ZNF300: variants seen among roughly 807,000 people sequenced by gnomAD.
ZNF300 encodes zinc finger protein 300.
A neutral mutation model predicts 13.9 loss-of-function variants in ZNF300; 6 were observed. The ratio of observed to expected loss-of-function variants is 0.43; its 90% CI spans 0.24 to 0.85. The LOEUF (loss-of-function observed/expected upper bound fraction) is 0.85, where lower values mean the gene tolerates loss of function less well. Ranked by LOEUF, ZNF300 falls within the 40% of genes least tolerant of loss-of-function variation. The pLI is 0.25. For synonymous variants in ZNF300, 237 were observed against 242.2 expected (o/e 0.98, Z 0.20); for missense variants, 662 against 714.2 (o/e 0.93, Z 0.83).
At chr5:150,904,469 CAG>C (rs1361776953) in intron 1 of ZNF300, among the ~76,000 whole-genome samples, 3 of 152,062 alleles carry the variant, frequency 2.0e-5, no homozygotes, top group South Asian at 2.1e-4. Flanking sequence ...ACTGATTCCT[CAG>C]AGTCCCCTAA....
chr5:150,898,948 G>A (rs1442534017), intron 3 of ZNF300, among the ~76,000 whole-genome samples: 4 of 152,004 alleles, frequency 2.6e-5, no homozygotes, highest in African/African-American at 9.7e-5. Flanking sequence ...ATATGACTTG[G>A]AAACAGGGTC....
In ZNF300 at chr5:150,897,145, C is replaced by A. The variant is rs1326992658; in HGVS notation, c.266-172G>T. 8 of 472,232 alleles carry A rather than the reference C, an allele frequency of 1.7e-5. No homozygotes were observed. The East Asian group carries it at 2.2e-4, about 13-fold the overall frequency. The allele number at this position is 472,232 out of a possible 1,614,324, so 29.3% of individuals were successfully genotyped here. On this transcript the variant is annotated intron_variant, in intron 5 of 5. Coordinates refer to ENST00000274599, the MANE Select transcript of ZNF300 (RefSeq NM_052860.4). ...TAGTGTTATCAGGTGAATAGACAGA[C>A]AAGAATGTTAAACAGAAATATTCAT...
chr5:150,896,095 C>T lies in ZNF300; in HGVS notation c.1144G>A (p.Glu382Lys). Residue 382 changes from glutamate to lysine, a missense_variant, in exon 6 of 6, where the codon GAA (glutamate) becomes AAA (lysine). Coordinates refer to ENST00000274599, the MANE Select transcript of ZNF300 (RefSeq NM_052860.4). ...QRIHTGEKPY[E>K]CRECGKAFSQ... ...AAGGCCTTCCCACACTCTCTACATT[C>T]ATAGGGTTTTTCCCCAGTATGTATT... is the stretch of plus-strand genomic sequence containing the variant. The T allele has an allele frequency of 6.2e-7, 1 of 1,613,326 alleles. No homozygotes were observed. Among genetic ancestry groups the T allele is most frequent in the Non-Finnish European group, 8.5e-7 (1 of 1,179,718 alleles).
intron 5 of ZNF300, chr5:150,897,313 A>C (rs1754830091): frequency 5.1e-6 from 1 of 195,292 alleles, no homozygotes; most frequent in Non-Finnish European, 1.0e-5. Flanking sequence ...ATCATGTGCT[A>C]CACATTCTTA....
chr5:150,895,669 T>A lies in ZNF300; in HGVS notation c.1570A>T (p.Thr524Ser). The A allele has an allele frequency of 6.2e-7, 1 of 1,613,368 alleles. No individual in the cohort carries two copies. The highest frequency in any genetic ancestry group is 8.5e-7 in the Non-Finnish European group (1 of 1,179,692). ...TGAGAGAAGGCTTTCCCACATTCAGTACATATATAAGGTTTTTCTCCTGTG... is the reference window on the plus strand; with the variant it reads ...TGAGAGAAGGCTTTCCCACATTCAGAACATATATAAGGTTTTTCTCCTGTG... Reference protein sequence around the residue: ...IHTGEKPYICTECGKAFSQKS... With the variant: ...IHTGEKPYICSECGKAFSQKS... The change falls in exon 6 of 6, where the codon ACT becomes TCT. Residue 524 changes from threonine to serine, a missense_variant. Coordinates refer to ENST00000274599, the MANE Select transcript of ZNF300 (RefSeq NM_052860.4).
chr5:150,901,342 G>A (rs1027642431), intron 3 of ZNF300, among the ~76,000 whole-genome samples: 22 of 151,960 alleles, frequency 1.4e-4, no homozygotes, highest in South Asian at 1.0e-3. Flanking sequence ...TCAAGATATC[G>A]TTTCAACATG....
In ZNF300 at chr5:150,898,339, C is replaced by CATATGTCAGG; in HGVS notation, c.142+79_142+88dup. ...GGTATGAAGGTCATAAAAGTCATGA[C>CATATGTCAGG]ATATGTCAGGAACAATCTAATCACA... On this transcript the variant is annotated intron_variant, in intron 4 of 5. Transcript: ENST00000274599. 2.5e-6 allele frequency: 4 copies of CATATGTCAGG among 1,606,872 alleles called. No homozygotes were observed. In the South Asian group the frequency reaches 4.4e-5, roughly 18 times the overall value.
Position 150,896,267 on chromosome 5 carries a change from A to C in ZNF300, c.972T>G (p.Pro324=). ...VHQRTHTGEK[P]YDCSECGKAF... ...CTTTTCCACATTCAGAACAATCATA[A>C]GGTTTCTCCCCAGTATGAGTTCTCT... Residue 324 remains proline, a synonymous_variant, in exon 6 of 6, where the codon CCT becomes CCG. Transcript: ENST00000274599. 1 of 1,613,664 alleles carries C rather than the reference A, an allele frequency of 6.2e-7. No homozygotes were observed. The highest frequency in any genetic ancestry group is 8.5e-7 in the Non-Finnish European group (1 of 1,179,800).
intron 2 of ZNF300, chr5:150,903,521 C>G (rs1394838667): frequency 1.4e-6 from 1 of 699,582 alleles, no homozygotes; most frequent in African/African-American, 1.8e-5. Context: ...TTTCATGAGG[C>G]AATAATCATG....
Position 150,898,830 on chromosome 5 carries a change from A to G in ZNF300, c.16-276T>C, listed in dbSNP as rs113871397. Among the ~76,000 whole-genome samples the G allele has an allele frequency of 3.2e-3, 481 of 152,182 alleles. 1 individual carries two copies. The highest frequency in any genetic ancestry group is 4.7e-3 in the Non-Finnish European group (319 of 68,006). The stretch of plus-strand genomic sequence containing the variant: ...TTATTGGATGAATCGTTTTGAAACA[A>G]TGAATAGTAAAGAGGAAAAGAATAA... On this transcript the variant is annotated intron_variant, in intron 3 of 5. Coordinates refer to ENST00000274599, the MANE Select transcript of ZNF300 (RefSeq NM_052860.4).
At chr5:150,897,985 G>T in intron 5 of ZNF300, 77 bp downstream of exon 5, 1 of 1,517,874 alleles carries the variant, frequency 6.6e-7, no homozygotes, top group Non-Finnish European at 8.8e-7. Flanking sequence ...GCAAAGAATA[G>T]GAGATTTTGA....
chr5:150,900,185 T>G (rs1418322267), intron 3 of ZNF300, among the ~76,000 whole-genome samples: 1 of 152,140 alleles, frequency 6.6e-6, no homozygotes, highest in Admixed American at 6.5e-5. Flanking sequence ...TTCTCAATAG[T>G]CTAGGTTCTT....
At chr5:150,903,824 GA>G (rs932367313) in intron 2 of ZNF300, 39 bp downstream of exon 2, 53 of 161,376 alleles carry the variant, frequency 3.3e-4, no homozygotes, top group Non-Finnish European at 5.7e-4. Flanking sequence ...GGAACCACTG[GA>G]AAAAAAAAGA....
Position 150,896,652 on chromosome 5 carries a change from G to T in ZNF300, c.587C>A (p.Pro196Gln). 1 of 1,613,262 alleles carries T rather than the reference G, an allele frequency of 6.2e-7. No homozygotes were observed. The highest frequency in any genetic ancestry group is 8.5e-7 in the Non-Finnish European group (1 of 1,179,678). The change falls in exon 6 of 6, where the codon CCA (proline) becomes CAA (glutamine). Residue 196 changes from proline to glutamine, a missense_variant. Transcript: ENST00000274599. ...ATAACAACTCGGTAGGTCAATATTT[G>T]GTTTTAAGTTCTTTTTAAAAGCATC... is the stretch of plus-strand genomic sequence containing the variant. ...KYDAFKKNLKPNIDLPSCYKS... is the reference protein window; with the variant it reads ...KYDAFKKNLKQNIDLPSCYKS...
At chr5:150,899,026 A>C (rs1157660329) in intron 3 of ZNF300, among the ~76,000 whole-genome samples, 1 of 152,082 alleles carries the variant, frequency 6.6e-6, no homozygotes, top group South Asian at 2.1e-4. Context: ...CTGTGTCCTC[A>C]TCCAAAGGGG....
intron 2 of ZNF300, chr5:150,903,442 A>AT: frequency 7.6e-7 from 1 of 1,318,054 alleles, no homozygotes; most frequent in Non-Finnish European, 1.1e-6. Flanking sequence ...ATGTGAAGAT[A>AT]TGTTTCCAGT....
intron 3 of ZNF300, among the ~76,000 whole-genome samples, chr5:150,899,081 G>A (rs568582646): frequency 6.6e-6 from 1 of 152,100 alleles, no homozygotes; most frequent in African/African-American, 2.4e-5. Context: ...ATAATGCAAA[G>A]AGAAAAAAGA....
Position 150,896,880 on chromosome 5 carries a change from G to A in ZNF300, c.359C>T (p.Ser120Leu). 1 of 1,613,598 alleles carries A rather than the reference G, an allele frequency of 6.2e-7. No individual in the cohort carries two copies. The highest frequency in any genetic ancestry group is 8.5e-7 in the Non-Finnish European group (1 of 1,179,720). ...KILKGVTRDG[S>L]LCSILKVCQG... is the part of the protein sequence containing the mutation. ...ACAGACTTTTAAAATGGAGCACAAT[G>A]AACCATCCCTTGTGACTCCTTTCAG... The change falls in exon 6 of 6, where the codon TCA becomes TTA. Residue 120 changes from serine (S) to leucine (L), a missense_variant. Physicochemically the swap from Ser to Leu is moderately radical, Grantham distance 145. Transcript: ENST00000274599.
rs1172067700 is a variant in ZNF300 at position 150,896,592 on chromosome 5, A to G, written c.647T>C (p.Phe216Ser). The change falls in exon 6 of 6, where the codon TTT (phenylalanine) becomes TCT (serine). Residue 216 changes from phenylalanine (F) to serine (S), a missense_variant. Physicochemically the swap from Phe to Ser is radical, Grantham distance 155. Transcript: ENST00000274599. ...SNSRKKPDQS[F>S]GGGKSSSQSE... ...CTGGCTAGATGATTTTCCACCTCCA[A>G]AACTCTGATCAGGTTTTTTTCTTGA... 1 of 1,613,712 alleles carries G rather than the reference A, an allele frequency of 6.2e-7. No individual in the cohort carries two copies. Among genetic ancestry groups the G allele is most frequent in the Admixed American group, 1.7e-5 (1 of 59,908 alleles).
Sources: gnomAD v4.1 joint callset for allele counts (sites outside exome capture counted in the v4.1 genomes callset) on GRCh38, gnomAD v4.1.1 for gene constraint, MANE v1.5 for transcripts, NCBI Gene and HGNC (gene_info 2026-07-23, HGNC 2026-07-21) for gene names.